The following UACA variants were observed in gnomAD, a reference collection of about 807,000 sequenced individuals.
UACA encodes uveal autoantigen with coiled-coil domains and ankyrin repeats, also known as nuclear membrane binding protein.
Under a neutral mutation model 160.5 loss-of-function variants are expected in UACA, and 112 were observed. That is an observed-to-expected ratio of 0.70 (90% CI 0.60 to 0.82). The LOEUF (loss-of-function observed/expected upper bound fraction) is 0.82. UACA is among the 40% of genes least tolerant of loss of function. The probability of loss-of-function intolerance (pLI) is 0.00; values close to 1 mark genes in which losing one functional copy is unlikely to be tolerated. For missense variants in UACA, 1,574 were observed against 1,614.6 expected (o/e 0.97, Z 0.43); for synonymous variants, 557 against 568.4 (o/e 0.98, Z 0.29).
intron 1 of UACA, among the ~76,000 whole-genome samples, chr15:70,719,260 C>G (rs928325415): frequency 5.9e-5 from 9 of 152,224 alleles, no homozygotes; most frequent in Non-Finnish European, 1.2e-4. Flanking sequence ...CCATTTCCAA[C>G]AAGTAAAAAG....
chr15:70,657,538 C>G (rs139151243), intron 18 of UACA, among the ~76,000 whole-genome samples: 2 of 152,008 alleles, frequency 1.3e-5, no homozygotes, highest in Admixed American at 6.6e-5. Context: ...GAGGTTGCAG[C>G]GAACCAAGAT....
chr15:70,722,700 C>T (rs1899028255), intron 1 of UACA, among the ~76,000 whole-genome samples: 2 of 152,124 alleles, frequency 1.3e-5, no homozygotes, highest in African/African-American at 2.4e-5. Context: ...TGAGAACATA[C>T]TATACACATA....
intron 1 of UACA, among the ~76,000 whole-genome samples, chr15:70,716,180 T>C (rs901226166): frequency 2.6e-5 from 4 of 152,212 alleles, no homozygotes; most frequent in Non-Finnish European, 5.9e-5. Flanking sequence ...GCTTCTGCTC[T>C]ACTCTGGGAA....
In UACA at chr15:70,668,179, A is replaced by C. The variant is rs746288247; in HGVS notation, c.2505T>G (p.Gly835=). The change falls in exon 16 of 19, where the codon GGT becomes GGG. Residue 835 remains glycine (G), a synonymous_variant. Transcript: ENST00000322954. ...KQLSELKKKC[G]EDQEKIHALT... The stretch of plus-strand genomic sequence containing the variant: ...GAGCGTGTATTTTCTCCTGGTCTTC[A>C]CCACATTTTTTCTTAAGTTCAGACA... 6.2e-7 allele frequency: 1 copy of C among 1,611,418 alleles called. No individual in the cohort carries two copies. The highest frequency in any genetic ancestry group is 1.7e-5 in the Admixed American group (1 of 59,550).
chr15:70,711,551 A>C (rs2140979622), intron 1 of UACA, among the ~76,000 whole-genome samples: 1 of 152,202 alleles, frequency 6.6e-6, no homozygotes, highest in Admixed American at 6.5e-5. Context: ...CCTATGCGCA[A>C]AGGGATATAA....
At chr15:70,744,248 C>CAA (rs5813608) in intron 1 of UACA, among the ~76,000 whole-genome samples, 3,567 of 64,616 alleles carry the variant, frequency 0.055, 112 homozygotes, top group Non-Finnish European at 0.078. Context: ...GACTCTGTCT[C>CAA]AAAAAAAAAA....
chr15:70,692,246 C>T (rs917036836), intron 3 of UACA, among the ~76,000 whole-genome samples: 7 of 152,098 alleles, frequency 4.6e-5, no homozygotes, highest in Non-Finnish European at 8.8e-5. Context: ...AGTACAGCCT[C>T]GAATGCCTGG....
intron 11 of UACA, 26 bp from the exon 12 acceptor site, chr15:70,677,166 T>C (rs910284060): frequency 6.4e-7 from 1 of 1,566,476 alleles, no homozygotes; most frequent in African/African-American, 1.4e-5. Context: ...ACACAAAATA[T>C]TTTAATTCTT....
intron 1 of UACA, among the ~76,000 whole-genome samples, chr15:70,744,683 C>A (rs1899648073): frequency 2.0e-5 from 3 of 152,158 alleles, no homozygotes; most frequent in African/African-American, 4.8e-5. Flanking sequence ...GACCAAAAAA[C>A]AGTCTTAACA....
intron 12 of UACA, 139 bp from the exon 13 acceptor site, chr15:70,676,730 T>G (rs1045309871): frequency 1.6e-6 from 1 of 619,698 alleles, no homozygotes; most frequent in Non-Finnish European, 2.8e-6. Context: ...CTTTAACTAC[T>G]AATAGAGTTG....
the UACA span, among the ~76,000 whole-genome samples, chr15:70,774,783 G>A: frequency 6.6e-6 from 1 of 152,158 alleles, no homozygotes; most frequent in Admixed American, 6.5e-5. Flanking sequence ...GCTGGGTGCA[G>A]TGGCTGACAC....
chr15:70,755,211 GGCTATTA>G (rs907152333), intron 1 of UACA, among the ~76,000 whole-genome samples: 1 of 152,066 alleles, frequency 6.6e-6, no homozygotes, highest in Non-Finnish European at 1.5e-5. Flanking sequence ...AAATTTTGCT[GGCTATTA>G]GCTAATTCTA....
chr15:70,694,934 T>G, intron 3 of UACA, 83 bp downstream of exon 3: 1 of 1,083,182 alleles, frequency 9.2e-7, no homozygotes, highest in Non-Finnish European at 1.4e-6. Flanking sequence ...TTATATCACA[T>G]TTAGGTCTGA....
intron 16 of UACA, 77 bp downstream of exon 16, chr15:70,666,647 T>C (rs1304526183): frequency 2.5e-5 from 31 of 1,231,606 alleles, no homozygotes; most frequent in Non-Finnish European, 3.2e-5. Flanking sequence ...TGTGTCTACT[T>C]TCCTGTGAGA....
intron 1 of UACA, among the ~76,000 whole-genome samples, chr15:70,709,041 C>T (rs1036117103): frequency 6.6e-6 from 1 of 152,152 alleles, no homozygotes; most frequent in Non-Finnish European, 1.5e-5. Context: ...AAAAGCAGCA[C>T]GTCCTTTCCA....
upstream of UACA, among the ~76,000 whole-genome samples, chr15:70,767,328 A>C (rs111399248): frequency 0.18 from 26,614 of 150,554 alleles, 3,617 homozygotes; most frequent in African/African-American, 0.38. Flanking sequence ...GTGGCTCACA[A>C]CTGTAATTCC....
chr15:70,684,900 C>T (rs1360883275), intron 7 of UACA, among the ~76,000 whole-genome samples: 2 of 152,092 alleles, frequency 1.3e-5, no homozygotes, highest in Non-Finnish European at 2.9e-5. Context: ...CCAAACCAAC[C>T]TCATTTATTC....
intron 1 of UACA, among the ~76,000 whole-genome samples, chr15:70,725,248 A>G (rs971909560): frequency 6.6e-6 from 1 of 152,232 alleles, no homozygotes; most frequent in African/African-American, 2.4e-5. Context: ...GTTAAAGGAA[A>G]ATAGAGTTTA....
At position 70,667,632 on chromosome 15, in the gene UACA, C is replaced by A. The variant is rs758644950; in HGVS notation, c.3052G>T (p.Val1018Phe). Residue 1018 changes from valine (V) to phenylalanine (F), a missense_variant, in exon 16 of 19, where the codon GTC becomes TTC. By Grantham distance (50) the Val-to-Phe change is conservative (BLOSUM62 -1). Coordinates refer to ENST00000322954, the MANE Select transcript of UACA (RefSeq NM_018003.4). ...TTTTTCTTGACTTCTTCTTCACTGACACTATACTTTTGTGTCTGCTCTGAT... is the reference window on the plus strand; with the variant it reads ...TTTTTCTTGACTTCTTCTTCACTGAAACTATACTTTTGTGTCTGCTCTGAT... ...QLSEQTQKYSVSEEEVKKNKQ... is the reference protein window; with the variant it reads ...QLSEQTQKYSFSEEEVKKNKQ... 6.2e-6 allele frequency: 10 copies of A among 1,612,772 alleles called. No individual in the cohort carries two copies. Among genetic ancestry groups the A allele is most frequent in the Non-Finnish European group, 2.5e-6 (3 of 1,179,972 alleles).
Sources: gnomAD v4.1 joint callset for allele counts (sites outside exome capture counted in the v4.1 genomes callset) on GRCh38, gnomAD v4.1.1 for gene constraint, MANE v1.5 for transcripts, NCBI Gene and HGNC (gene_info 2026-07-23, HGNC 2026-07-21) for gene names.